Variants in PTPRT observed in about 807,000 individuals in gnomAD.
PTPRT encodes the protein protein tyrosine phosphatase receptor type T.
In PTPRT, 56 loss-of-function variants were observed where a neutral mutation model predicts 176.8. That is an observed-to-expected ratio of 0.32 (90% CI 0.26 to 0.40). The LOEUF (loss-of-function observed/expected upper bound fraction) is 0.40. Ranked by LOEUF, PTPRT falls within the 10% of genes least tolerant of loss-of-function variation. The probability of loss-of-function intolerance (pLI) is 1.00; values close to 1 mark genes in which losing one functional copy is unlikely to be tolerated. For synonymous variants in PTPRT, 783 were observed against 739.0 expected (o/e 1.06, Z -0.96); for missense variants, 1,540 against 1,908.2 (o/e 0.81, Z 3.60).
intron 18 of PTPRT, among the ~76,000 whole-genome samples, chr20:42,131,743 G>A (rs941921125): frequency 3.3e-5 from 5 of 152,236 alleles, no homozygotes; most frequent in Non-Finnish European, 5.9e-5. Context: ...ATTTAGTGGA[G>A]ACAGACTGTA....
intron 1 of PTPRT, among the ~76,000 whole-genome samples, chr20:43,032,506 C>T (rs6030616): frequency 8.4e-4 from 99 of 118,482 alleles, no homozygotes; most frequent in African/African-American, 4.8e-3. Flanking sequence ...GGCAAATAAA[C>T]CTAATTAATC....
intron 1 of PTPRT, among the ~76,000 whole-genome samples, chr20:43,131,032 A>G (rs546323406): frequency 2.4e-4 from 37 of 152,344 alleles, no homozygotes; most frequent in Non-Finnish European, 4.7e-4. Context: ...ACCAGTCTGC[A>G]CCTATCAGGA....
chr20:42,952,613 T>C (rs749151169), intron 1 of PTPRT, among the ~76,000 whole-genome samples: 1 of 152,210 alleles, frequency 6.6e-6, no homozygotes, highest in Non-Finnish European at 1.5e-5. Flanking sequence ...AAATATGTAA[T>C]GCAGCTGGAA....
intron 1 of PTPRT, among the ~76,000 whole-genome samples, chr20:43,054,915 G>A (rs561390948): frequency 4.6e-4 from 70 of 152,274 alleles, no homozygotes; most frequent in African/African-American, 1.4e-3. Context: ...AGCAATATGC[G>A]TGAGCCCAAT....
the PTPRT span, among the ~76,000 whole-genome samples, chr20:42,036,372 G>A: frequency 3.3e-5 from 5 of 152,278 alleles, no homozygotes; most frequent in South Asian, 2.1e-4. Flanking sequence ...CCAGCCACAC[G>A]TATACTCTTA....
intron 1 of PTPRT, among the ~76,000 whole-genome samples, chr20:43,086,350 T>C (rs2011602192): frequency 1.3e-5 from 2 of 152,232 alleles, no homozygotes; most frequent in South Asian, 2.1e-4. Flanking sequence ...TGACACTGCA[T>C]GTGTAAGCCC....
At chr20:42,884,264 A>G (rs188403637) in intron 2 of PTPRT, among the ~76,000 whole-genome samples, 1 of 152,264 alleles carries the variant, frequency 6.6e-6, no homozygotes, top group African/African-American at 2.4e-5. Context: ...GAAATGCTCA[A>G]TTTTGTACCA....
rs528471759 is a variant in PTPRT at position 42,704,469 on chromosome 20, A to T, written c.860-26310T>A. Among the ~76,000 whole-genome samples, 11 of 152,046 alleles carry T rather than the reference A, an allele frequency of 7.2e-5. No homozygotes were observed. The South Asian group carries it at 2.3e-3, about 32-fold the overall frequency. On this transcript the variant is annotated intron_variant, in intron 6 of 30. Coordinates refer to ENST00000373187, the MANE Select transcript of PTPRT (RefSeq NM_007050.6). ...AAAGTTCCACTTCCTTTCCTGATAC[A>T]GAATTCTTTCCATAATCAAGCTTTC...
chr20:42,106,916 C>G lies in PTPRT; in HGVS notation c.3260G>C (p.Gly1087Ala), dbSNP rs778619544. Residue 1087 changes from glycine (G) to alanine (A), a missense_variant, in exon 24 of 31, where the codon GGG becomes GCG. Gly to Ala is a moderately conservative substitution (Grantham distance 60). Around this residue, in one of 11 missense-constraint regions of PTPRT, gnomAD observed 248 missense variants for 356.7 expected, o/e 0.70. Transcript: ENST00000373187. Reference protein sequence around the residue: ...AGPIVVHCSAGAGRTGCFIAI... With the variant: ...AGPIVVHCSAAAGRTGCFIAI... ...AATGAAGCAGCCAGTCCGCCCAGCC[C>G]CAGCACTGGAAGAGAGGTATGGTCT... 6.2e-7 allele frequency: 1 copy of G among 1,614,070 alleles called. No individual in the cohort carries two copies. The highest frequency in any genetic ancestry group is 1.7e-5 in the Admixed American group (1 of 60,020).
intron 7 of PTPRT, among the ~76,000 whole-genome samples, chr20:42,665,102 A>T (rs1444523997): frequency 1.3e-5 from 2 of 152,042 alleles, no homozygotes; most frequent in Admixed American, 1.3e-4. Flanking sequence ...GACAAATGGG[A>T]TCTAATTAAA....
At chr20:42,773,632 C>T (rs113507501) in intron 4 of PTPRT, among the ~76,000 whole-genome samples, 4,508 of 152,220 alleles carry the variant, frequency 0.03, 135 homozygotes, top group African/African-American at 0.079. Context: ...TTGACAAATG[C>T]CATGCTGCTC....
intron 2 of PTPRT, among the ~76,000 whole-genome samples, chr20:42,808,884 C>A (rs2077653837): frequency 6.6e-6 from 1 of 152,160 alleles, no homozygotes; most frequent in South Asian, 2.1e-4. Flanking sequence ...TCAAAGTCTG[C>A]TGACTGCCCG....
intron 13 of PTPRT, among the ~76,000 whole-genome samples, chr20:42,275,538 C>A (rs2147023709): frequency 6.6e-6 from 1 of 152,106 alleles, no homozygotes; most frequent in South Asian, 2.1e-4. Flanking sequence ...ATCAAACCAG[C>A]TTTTGTCTTC....
intron 17 of PTPRT, among the ~76,000 whole-genome samples, chr20:42,148,846 C>T (rs1988998401): frequency 6.6e-6 from 1 of 152,178 alleles, no homozygotes; most frequent in African/African-American, 2.4e-5. Context: ...TGATTCTTTG[C>T]CAATTACAGC....
chr20:42,595,743 T>A (rs2073659051), intron 7 of PTPRT, among the ~76,000 whole-genome samples: 1 of 152,146 alleles, frequency 6.6e-6, no homozygotes, highest in Non-Finnish European at 1.5e-5. Context: ...GGCTGCCTTC[T>A]CTCCTCTTGC....
intron 1 of PTPRT, among the ~76,000 whole-genome samples, chr20:42,927,589 A>C (rs1018196842): frequency 1.3e-5 from 2 of 152,062 alleles, no homozygotes; most frequent in Admixed American, 6.5e-5. Flanking sequence ...CAAGAAAGAA[A>C]AGAAAGGAAA....
At chr20:42,270,545 T>G (rs777651898) in intron 13 of PTPRT, 89 of 1,120,528 alleles carry the variant, frequency 7.9e-5, no homozygotes, top group Non-Finnish European at 1.1e-4. Flanking sequence ...TGAACAAAAC[T>G]GCAATTCTTG....
At chr20:42,936,270 C>G (rs1474402320) in intron 1 of PTPRT, among the ~76,000 whole-genome samples, 2 of 152,112 alleles carry the variant, frequency 1.3e-5, no homozygotes, top group Admixed American at 1.3e-4. Flanking sequence ...GAGAAGGTAA[C>G]ATTTGAGCAA....
intron 2 of PTPRT, among the ~76,000 whole-genome samples, chr20:42,825,205 C>T (rs1409941923): frequency 6.6e-6 from 1 of 152,006 alleles, no homozygotes; most frequent in East Asian, 1.9e-4. Context: ...AATCACATAT[C>T]ACATTAAAAT....
Sources: allele counts gnomAD v4.1 joint callset (sites outside exome capture counted in the v4.1 genomes callset), GRCh38; gene constraint gnomAD v4.1.1; regional missense constraint gnomAD v4.1.1; transcripts MANE v1.5; gene names NCBI Gene and HGNC (gene_info 2026-07-23, HGNC 2026-07-21).